ACOX3: variants seen among roughly 807,000 people sequenced by gnomAD.
ACOX3 encodes peroxisomal acyl-coenzyme A oxidase 3.
ACOX3 carries 73 observed loss-of-function variants against 81.5 expected under a neutral mutation model. The observed-to-expected ratio is 0.90, with a 90% CI of 0.74 to 1.09. ACOX3 has a LOEUF of 1.09. Among genes scored for constraint, ACOX3 ranks in the 50% least tolerant of loss-of-function variants. The pLI, the probability that ACOX3 is intolerant of heterozygous loss-of-function variation, is 0.00. For missense variants in ACOX3, 947 were observed against 928.0 expected (o/e 1.02, Z -0.27); for synonymous variants, 387 against 375.1 (o/e 1.03, Z -0.37).
chr4:8,374,904 G>A, intron 15 of ACOX3, 74 bp downstream of exon 15: 2 of 1,422,084 alleles, frequency 1.4e-6, no homozygotes, highest in Admixed American at 2.8e-5. Context: ...GATGGTGCAG[G>A]AAGCAGCTTC....
At chr4:8,387,574 G>A (rs995940955) in intron 13 of ACOX3, among the ~76,000 whole-genome samples, 1 of 152,218 alleles carries the variant, frequency 6.6e-6, no homozygotes, top group Non-Finnish European at 1.5e-5. Flanking sequence ...GCGTTGCTGC[G>A]GCTTTGAGCT....
Position 8,405,822 on chromosome 4 carries a change from T to G in ACOX3, c.776+133A>C. 2.2e-6 allele frequency: 2 copies of G among 907,580 alleles called. No individual in the cohort carries two copies. The highest frequency in any genetic ancestry group is 3.6e-6 in the Non-Finnish European group (2 of 561,628). 56.2% of individuals were successfully genotyped at this position (907,580 alleles called of 1,614,324 possible). A position where few individuals can be genotyped will look rare whatever the true frequency, so the allele number is the denominator to read the frequency against. ...CCAGTGCATGCACGGGGGCTAGGCGTAGGTCCCCACCGCATTTGAGTCTAA... is the reference window on the plus strand; with the variant it reads ...CCAGTGCATGCACGGGGGCTAGGCGGAGGTCCCCACCGCATTTGAGTCTAA... On this transcript the variant is annotated intron_variant, in intron 7 of 17. Transcript: ENST00000356406. The surrounding 1 kb of genome is among the most constrained non-coding windows in gnomAD (Gnocchi z 7.1).
chr4:8,370,653 G>A lies in ACOX3; in HGVS notation c.1983+255C>T, dbSNP rs573006028. 6.6e-6 allele frequency among the ~76,000 whole-genome samples: 1 copy of A among 152,082 alleles called. No homozygotes were observed. Among genetic ancestry groups the A allele is most frequent in the East Asian group, 1.9e-4 (1 of 5,162 alleles). On this transcript the variant is annotated intron_variant, in intron 17 of 17. Transcript: ENST00000356406. The surrounding 1 kb of genome is among the most constrained non-coding windows in gnomAD (Gnocchi z 6.3). Reference sequence around the variant, plus strand: ...ACCTCCAACCTCTGCCTGTGCAGGCGGGCAGTGCCACCACCCCATCTCGGG... The same window carrying A: ...ACCTCCAACCTCTGCCTGTGCAGGCAGGCAGTGCCACCACCCCATCTCGGG...
chr4:8,396,509 TCTA>T (rs1719704252), intron 9 of ACOX3, among the ~76,000 whole-genome samples: 1 of 151,874 alleles, frequency 6.6e-6, no homozygotes, highest in South Asian at 2.1e-4. Context: ...GAACCCTGTC[TCTA>T]CTAACAATAC....
chr4:8,432,700 A>G lies in ACOX3; in HGVS notation c.-15+7948T>C. ...GATCAGCACAACAGGGCTGCCACTC[A>G]GGGCGCTCAGAGCAGCCAGGGACTT... On this transcript the variant is annotated intron_variant, in intron 1 of 17. Coordinates refer to ENST00000356406, the MANE Select transcript of ACOX3 (RefSeq NM_003501.3). This position sits in a 1 kb window ranked among gnomAD's most constrained non-coding sequence, Gnocchi z 6.2. Among the ~76,000 whole-genome samples, 1 of 152,144 alleles carries G rather than the reference A, an allele frequency of 6.6e-6. No individual in the cohort carries two copies. Among genetic ancestry groups the G allele is most frequent in the East Asian group, 1.9e-4 (1 of 5,188 alleles).
chr4:8,409,928 C>T (rs1310492932), intron 6 of ACOX3, among the ~76,000 whole-genome samples: 1 of 148,288 alleles, frequency 6.7e-6, no homozygotes, highest in Non-Finnish European at 1.5e-5. Context: ...GCTGTCTGTG[C>T]ACTGTGGGCG....
intron 11 of ACOX3, among the ~76,000 whole-genome samples, chr4:8,390,438 G>C (rs1315023186): frequency 6.6e-6 from 1 of 152,150 alleles, no homozygotes; most frequent in Non-Finnish European, 1.5e-5. Flanking sequence ...CTGTCAGCAA[G>C]CCCTGCAGAG....
rs572226293 is a variant in ACOX3, at chr4:8,368,756, T to C, written c.1984-1676A>G. Among the ~76,000 whole-genome samples, 8 of 149,028 alleles carry C rather than the reference T, an allele frequency of 5.4e-5. No individual in the cohort carries two copies. The South Asian group carries it at 1.7e-3, about 32-fold the overall frequency. On this transcript the variant is annotated intron_variant, in intron 17 of 17. Coordinates refer to ENST00000356406, the MANE Select transcript of ACOX3 (RefSeq NM_003501.3). The surrounding 1 kb of genome is among the most constrained non-coding windows in gnomAD (Gnocchi z 5.9). ...TTTTTTTTTTTTTTTTGAGATGAGG[T>C]CTCACCCTGTTGGCCAGGCTGGAGT...
At position 8,440,704 on chromosome 4, in the gene ACOX3, C is replaced by T; in HGVS notation, c.-71G>A. On this transcript the variant is annotated 5_prime_UTR_variant, in exon 1 of 18. Transcript: ENST00000356406. The stretch of plus-strand genomic sequence containing the variant: ...GAAACCAAAAGCAGGAAAGGATCTC[C>T]AGCGGCGCCATTCTCATTTCCGGTC... The T allele has an allele frequency of 8.0e-7, 1 of 1,249,624 alleles. No homozygotes were observed. Among genetic ancestry groups the T allele is most frequent in the South Asian group, 1.8e-5 (1 of 54,674 alleles). The allele number at this position is 1,249,624 out of a possible 1,614,324, so 77.4% of individuals were successfully genotyped here. A position where few individuals can be genotyped will look rare whatever the true frequency, so the allele number is the denominator to read the frequency against.
intron 5 of ACOX3, among the ~76,000 whole-genome samples, chr4:8,412,960 T>C (rs1721893702): frequency 1.5e-5 from 2 of 137,062 alleles, no homozygotes; most frequent in East Asian, 2.3e-4. Flanking sequence ...TCCACAGCAC[T>C]GACAGCCCCA....
In ACOX3 at chr4:8,381,668, C is replaced by A; in HGVS notation, c.1538-61G>T. 7.5e-7 allele frequency: 1 copy of A among 1,327,676 alleles called. No individual in the cohort carries two copies. Among genetic ancestry groups the A allele is most frequent in the Non-Finnish European group, 1.1e-6 (1 of 933,420 alleles). 82.2% of individuals were successfully genotyped at this position (1,327,676 alleles called of 1,614,324 possible). A position where few individuals can be genotyped will look rare whatever the true frequency, so the allele number is the denominator to read the frequency against. ...ATAGAGAACACAGCATTTGTCACAA[C>A]TCACCCCCAGGGACAAGGCACTGCC... On this transcript the variant is annotated intron_variant, in intron 13 of 17. Coordinates refer to ENST00000356406, the MANE Select transcript of ACOX3 (RefSeq NM_003501.3). The surrounding 1 kb of genome is among the most constrained non-coding windows in gnomAD (Gnocchi z 4.3).
Position 8,408,923 on chromosome 4 carries a change from G to T in ACOX3, c.687+1289C>A, listed in dbSNP as rs147998439. ...GGGGGGTGGGGGGGGGGTGGGGGCG[G>T]TCTGAGGCTCACCCCAGGTGAACAG... is the stretch of plus-strand genomic sequence containing the variant. On this transcript the variant is annotated intron_variant, in intron 6 of 17. Coordinates refer to ENST00000356406, the MANE Select transcript of ACOX3 (RefSeq NM_003501.3). 1.5e-3 allele frequency among the ~76,000 whole-genome samples: 198 copies of T among 128,950 alleles called. 1 individual carries two copies. The highest frequency in any genetic ancestry group is 5.8e-3 in the African/African-American group (183 of 31,516). The allele number at this position is 128,950 out of a possible 152,430, so 84.6% of individuals were successfully genotyped here. A position where few individuals can be genotyped will look rare whatever the true frequency, so the allele number is the denominator to read the frequency against.
At chr4:8,356,566 C>T in the ACOX3 span, 1 of 456,626 alleles carries the variant, frequency 2.2e-6, no homozygotes. Flanking sequence ...AGGAAAACCA[C>T]ACACACGTAC....
Position 8,416,095 on chromosome 4 carries a change from G to T in ACOX3, c.145-96C>A. 1 of 1,275,976 alleles carries T rather than the reference G, an allele frequency of 7.8e-7. No individual in the cohort carries two copies. The highest frequency in any genetic ancestry group is 1.1e-6 in the Non-Finnish European group (1 of 897,186). The allele number at this position is 1,275,976 out of a possible 1,614,324, so 79.0% of individuals were successfully genotyped here. A position where few individuals can be genotyped will look rare whatever the true frequency, so the allele number is the denominator to read the frequency against. On this transcript the variant is annotated intron_variant, in intron 2 of 17. Coordinates refer to ENST00000356406, the MANE Select transcript of ACOX3 (RefSeq NM_003501.3). This position sits in a 1 kb window ranked among gnomAD's most constrained non-coding sequence, Gnocchi z 4.2. ...TGACCTCCAGGCCACAGGCTTCATG[G>T]GACACAGTCTGACCCGGAGACACCC...
chr4:8,383,532 C>T (rs1717948181), intron 13 of ACOX3, among the ~76,000 whole-genome samples: 1 of 152,208 alleles, frequency 6.6e-6, no homozygotes, highest in Non-Finnish European at 1.5e-5. Flanking sequence ...GCCAAGAACT[C>T]CTGGAGCTGC....
chr4:8,357,200 A>C, the ACOX3 span: 1 of 456,624 alleles, frequency 2.2e-6, no homozygotes, highest in Non-Finnish European at 4.4e-6. Flanking sequence ...CAGGTGAGGG[A>C]AAGGAGAACA....
chr4:8,410,754 T>G (rs1489253545), intron 5 of ACOX3, among the ~76,000 whole-genome samples: 1 of 152,196 alleles, frequency 6.6e-6, no homozygotes, highest in East Asian at 1.9e-4. Flanking sequence ...TGCAGTCCAC[T>G]CAGTTCTTTA....
chr4:8,372,508 T>G (rs948741067), intron 16 of ACOX3, among the ~76,000 whole-genome samples: 1 of 152,170 alleles, frequency 6.6e-6, no homozygotes, highest in Non-Finnish European at 1.5e-5. Context: ...GGGTCAACAC[T>G]GCCCCAAGGG....
Position 8,392,391 on chromosome 4 carries a change from G to A in ACOX3, c.1242C>T (p.Thr414=), listed in dbSNP as rs774860300. 2 of 1,609,396 alleles carry A rather than the reference G, an allele frequency of 1.2e-6. No individual in the cohort carries two copies. The highest frequency in any genetic ancestry group is 2.2e-5 in the South Asian group (2 of 90,418). ...ASASKPLASW[T]TQQGIQECRE... The stretch of plus-strand genomic sequence containing the variant: ...GGCATTCCTGAATTCCTTGCTGGGT[G>A]GTCCACGAGGCCAGGGGCTTGCTGG... Residue 414 remains threonine (T), a synonymous_variant, in exon 11 of 18, where the codon ACC becomes ACT. Transcript: ENST00000356406.
Sources: allele counts gnomAD v4.1 joint callset (sites outside exome capture counted in the v4.1 genomes callset), GRCh38; gene constraint gnomAD v4.1.1; non-coding constraint Gnocchi (gnomAD v3.1); transcripts MANE v1.5; gene names NCBI Gene and HGNC (gene_info 2026-07-23, HGNC 2026-07-21).